ZNF615: variants seen among roughly 807,000 people sequenced by gnomAD.
ZNF615 encodes the protein zinc finger protein 615.
In ZNF615, 15 loss-of-function variants were observed where a neutral mutation model predicts 15.3. The observed-to-expected ratio is 0.98, with a 90% CI of 0.66 to 1.51. ZNF615 has a LOEUF of 1.51. Ranked by LOEUF, ZNF615 falls within the 40% of genes most tolerant of loss-of-function variation. ZNF615 has a pLI of 0.00. For missense variants in ZNF615, 848 were observed against 895.9 expected (o/e 0.95, Z 0.68); for synonymous variants, 268 against 294.6 (o/e 0.91, Z 0.92).
At position 52,002,300 on chromosome 19, in the gene ZNF615, G is replaced by A. The variant is rs201273181; in HGVS notation, c.16-19C>T. 30 of 1,613,746 alleles carry A rather than the reference G, an allele frequency of 1.9e-5. No individual in the cohort carries two copies. In the African/African-American group the frequency reaches 3.3e-4, roughly 18 times the overall value. ...GGGATTCCTGTAATAACACACTTCTGTTTAATGAAGTCATATTCTTTTGGT... is the reference window on the plus strand; with the variant it reads ...GGGATTCCTGTAATAACACACTTCTATTTAATGAAGTCATATTCTTTTGGT... On this transcript the variant is annotated intron_variant, in intron 3 of 6. Coordinates refer to ENST00000598071, the MANE Select transcript of ZNF615 (RefSeq NM_001199324.2).
In ZNF615 at chr19:51,994,725, G is replaced by T; in HGVS notation, c.384C>A (p.Asn128Lys). 1 of 1,613,720 alleles carries T rather than the reference G, an allele frequency of 6.2e-7. No homozygotes were observed. The highest frequency in any genetic ancestry group is 8.5e-7 in the Non-Finnish European group (1 of 1,179,972). ...CTTGCTTCAGCAGGAAATGACCTTT[G>T]TTCTGATTAACAATATTTCCAAACA... ...QNMFGNIVNQ[N>K]KGHFLLKQDC... Residue 128 changes from asparagine (N) to lysine (K), a missense_variant, in exon 7 of 7, where the codon AAC becomes AAA. By Grantham distance (94) the Asn-to-Lys change is moderately conservative. Transcript: ENST00000598071.
At chr19:52,003,562 G>T in intron 3 of ZNF615, 135 bp downstream of exon 3, 1 of 780,880 alleles carries the variant, frequency 1.3e-6, no homozygotes, top group Non-Finnish European at 2.0e-6. Flanking sequence ...ATATATCCCT[G>T]ATCCTTCTTT....
intron 6 of ZNF615, among the ~76,000 whole-genome samples, chr19:51,996,150 G>C (rs1208399164): frequency 6.6e-6 from 1 of 152,044 alleles, no homozygotes; most frequent in Non-Finnish European, 1.5e-5. Flanking sequence ...AGCACTTTGG[G>C]AGGACAAAGC....
intron 6 of ZNF615, among the ~76,000 whole-genome samples, chr19:51,996,241 T>G (rs1289186867): frequency 6.6e-6 from 1 of 151,688 alleles, no homozygotes; most frequent in African/African-American, 2.4e-5. Context: ...AATACAAAAA[T>G]TAGGCATGGT....
chr19:52,006,051 C>T (rs12461230), intron 2 of ZNF615, among the ~76,000 whole-genome samples: 63,338 of 151,934 alleles, frequency 0.42, 15,205 homozygotes, highest in African/African-American at 0.65. Context: ...AACCCAAAAC[C>T]CCATTCCTAA....
chr19:52,007,221 C>T, intron 2 of ZNF615, 72 bp downstream of exon 2: 1 of 851,618 alleles, frequency 1.2e-6, no homozygotes, highest in Non-Finnish European at 1.7e-6. Flanking sequence ...ATATTAAGCA[C>T]ATAACATACA....
At position 51,993,574 on chromosome 19, in the gene ZNF615, A is replaced by G; in HGVS notation, c.1535T>C (p.Val512Ala). ...TTCTCCAGTATGAGTTCGCTGATGC[A>G]CAATAAGGCGGCTCTTCACAGTGAA... ...KGFTVKSRLI[V>A]HQRTHTGEKP... The change falls in exon 7 of 7, where the codon GTG (valine) becomes GCG (alanine). Residue 512 changes from valine to alanine, a missense_variant. By Grantham distance (64) the Val-to-Ala change is moderately conservative. Coordinates refer to ENST00000598071, the MANE Select transcript of ZNF615 (RefSeq NM_001199324.2). 6.2e-7 allele frequency: 1 copy of G among 1,613,868 alleles called. No homozygotes were observed. The highest frequency in any genetic ancestry group is 8.5e-7 in the Non-Finnish European group (1 of 1,179,984).
Position 52,008,164 on chromosome 19 carries a change from G to A in ZNF615, c.-251C>T. 6.5e-7 allele frequency: 1 copy of A among 1,535,562 alleles called. No individual in the cohort carries two copies. Among genetic ancestry groups the A allele is most frequent in the South Asian group, 1.2e-5 (1 of 84,052 alleles). ...ACTTCCCAGAACTTGGTGGGCTCCGGCCTCATCTCTCGGCCTCCTCAGTGC... is the reference window on the plus strand; with the variant it reads ...ACTTCCCAGAACTTGGTGGGCTCCGACCTCATCTCTCGGCCTCCTCAGTGC... On this transcript the variant is annotated 5_prime_UTR_variant, in exon 1 of 7. Coordinates refer to ENST00000598071, the MANE Select transcript of ZNF615 (RefSeq NM_001199324.2).
At chr19:52,002,833 G>GTTT (rs59175097) in intron 3 of ZNF615, among the ~76,000 whole-genome samples, 46 of 147,290 alleles carry the variant, frequency 3.1e-4, no homozygotes, top group African/African-American at 6.9e-4. Flanking sequence ...TTGCTTGCTT[G>GTTT]TTTTTTTTTT....
At chr19:51,998,464 G>C (rs2086503309) in intron 6 of ZNF615, among the ~76,000 whole-genome samples, 1 of 152,126 alleles carries the variant, frequency 6.6e-6, no homozygotes, top group Non-Finnish European at 1.5e-5. Context: ...AACACTTACT[G>C]TTCCACCAGC....
intron 5 of ZNF615, 51 bp downstream of exon 5, chr19:52,001,761 TG>T: frequency 4.0e-6 from 6 of 1,497,910 alleles, no homozygotes; most frequent in Non-Finnish European, 5.6e-6. Context: ...CTGCTCTGTG[TG>T]GGCAGAACAT....
At chr19:51,996,391 A>AAAAAAAAAAAAAAAAAC in intron 6 of ZNF615, among the ~76,000 whole-genome samples, 1 of 147,042 alleles carries the variant, frequency 6.8e-6, no homozygotes, top group Non-Finnish European at 1.5e-5. Flanking sequence ...GTCTCAAAAA[A>AAAAAAAAAAAAAAAAAC]AAAAAAAAAA....
intron 2 of ZNF615, 136 bp from the exon 3 acceptor site, chr19:52,004,036 C>T: frequency 1.9e-5 from 8 of 426,078 alleles, no homozygotes; most frequent in Non-Finnish European, 2.8e-5. Flanking sequence ...GCTTTTATAT[C>T]TGGGCTAGTA....
At chr19:52,002,368 C>A (rs906785405) in intron 3 of ZNF615, 87 bp from the exon 4 acceptor site, 1 of 1,585,982 alleles carries the variant, frequency 6.3e-7, no homozygotes, top group East Asian at 2.3e-5. Flanking sequence ...CTCATTTTCA[C>A]CACATAGGAA....
rs1305609301 is a variant in ZNF615, at chr19:51,992,204, T to A, written c.*676A>T. On this transcript the variant is annotated 3_prime_UTR_variant, in exon 7 of 7. Coordinates refer to ENST00000598071, the MANE Select transcript of ZNF615 (RefSeq NM_001199324.2). ...TCCGGTATTATATACAATATTAAAT[T>A]TTAGTTCGTGATTAGAGGAAGTCAC... 1.3e-5 allele frequency: 2 copies of A among 152,132 alleles called. No homozygotes were observed. Among genetic ancestry groups the A allele is most frequent in the African/African-American group, 4.8e-5 (2 of 41,422 alleles). 9.4% of individuals were successfully genotyped at this position (152,132 alleles called of 1,614,324 possible).
chr19:52,003,105 G>A (rs1177753867), intron 3 of ZNF615, among the ~76,000 whole-genome samples: 1 of 151,676 alleles, frequency 6.6e-6, no homozygotes, highest in African/African-American at 2.4e-5. Flanking sequence ...GGGATTACAG[G>A]TGTGAGCCAC....
Position 51,993,691 on chromosome 19 carries a change from C to T in ZNF615, c.1418G>A (p.Arg473Gln), listed in dbSNP as rs117976066. ...GTCACTCTTCATGGTGAAACCTTTT[C>T]GACATTCGGTGCATACATAGGGTTT... ...GEKPYVCTEC[R>Q]KGFTMKSDLI... is the part of the protein sequence containing the mutation. The change falls in exon 7 of 7, where the codon CGA becomes CAA. Residue 473 changes from arginine to glutamine, a missense_variant. Arg to Gln is a conservative substitution (Grantham distance 43). Transcript: ENST00000598071. The T allele has an allele frequency of 2.2e-4, 361 of 1,613,956 alleles. No homozygotes were observed. The highest frequency in any genetic ancestry group is 2.7e-4 in the Non-Finnish European group (322 of 1,179,994).
At chr19:52,008,004 C>A (rs1242464660) in intron 1 of ZNF615, 137 bp downstream of exon 1, 1 of 771,330 alleles carries the variant, frequency 1.3e-6, no homozygotes, top group Non-Finnish European at 2.1e-6. Context: ...CGCTAAGCTC[C>A]TGAAAGAATT....
rs748767522 is a variant in ZNF615, at chr19:51,992,815, T to A, written c.*65A>T. ...TAAACAACCATGTAGTCTGCATTCA[T>A]GAAATTACTCTTCTTTGCAGATATC... On this transcript the variant is annotated 3_prime_UTR_variant, in exon 7 of 7. Coordinates refer to ENST00000598071, the MANE Select transcript of ZNF615 (RefSeq NM_001199324.2). 57 of 1,543,218 alleles carry A rather than the reference T, an allele frequency of 3.7e-5. No individual in the cohort carries two copies. Among genetic ancestry groups the A allele is most frequent in the Non-Finnish European group, 5.0e-5 (57 of 1,137,946 alleles).
Sources: gnomAD v4.1 joint callset for allele counts (sites outside exome capture counted in the v4.1 genomes callset) on GRCh38, gnomAD v4.1.1 for gene constraint, MANE v1.5 for transcripts, NCBI Gene and HGNC (gene_info 2026-07-23, HGNC 2026-07-21) for gene names.